DNAJC13: variants seen among roughly 807,000 people sequenced by gnomAD.
DNAJC13 encodes the protein dnaJ homolog subfamily C member 13.
DNAJC13 carries 75 observed loss-of-function variants against 290.5 expected under a neutral mutation model. The observed-to-expected ratio is 0.26, with a 90% CI of 0.21 to 0.31. The LOEUF is 0.31. Ranked by LOEUF, DNAJC13 falls within the 10% of genes least tolerant of loss-of-function variation. DNAJC13 has a pLI of 1.00. For missense variants in DNAJC13, 2,260 were observed against 2,674.5 expected (o/e 0.85, Z 3.42); for synonymous variants, 862 against 892.0 (o/e 0.97, Z 0.60).
In DNAJC13 at chr3:132,461,092, T is replaced by G. The variant is rs767381634; in HGVS notation, c.1600T>G (p.Phe534Val). ...GALVISSLLDFLTFALCAPYS... is the reference protein window; with the variant it reads ...GALVISSLLDVLTFALCAPYS... ...CCTAGTTATTAGTTCGCTCTTGGAC[T>G]TCCTTACCTTTGCCCTCTGTGCTCC... Residue 534 changes from phenylalanine (F) to valine (V), a missense_variant, in exon 15 of 56, where the codon TTC (phenylalanine) becomes GTC (valine). Phe to Val is a conservative substitution (Grantham distance 50). Around this residue, in one of 3 missense-constraint regions of DNAJC13, gnomAD observed 762 missense variants for 964.1 expected, o/e 0.79. Coordinates refer to ENST00000260818, the MANE Select transcript of DNAJC13 (RefSeq NM_015268.4). 1.2e-6 allele frequency: 2 copies of G among 1,614,130 alleles called. No individual in the cohort carries two copies. The highest frequency in any genetic ancestry group is 1.7e-6 in the Non-Finnish European group (2 of 1,179,984).
chr3:132,498,964 C>T (rs1376372599), intron 36 of DNAJC13, among the ~76,000 whole-genome samples, 162 bp from the exon 37 acceptor site: 2 of 152,160 alleles, frequency 1.3e-5, no homozygotes, highest in Non-Finnish European at 2.9e-5. Context: ...GATCCACCCA[C>T]CTTGGCCTCC....
At chr3:132,533,214 C>G (rs1223554019) in intron 55 of DNAJC13, among the ~76,000 whole-genome samples, 1 of 151,338 alleles carries the variant, frequency 6.6e-6, no homozygotes, top group African/African-American at 2.4e-5. Flanking sequence ...TACCACCATG[C>G]CCAGCTAATT....
intron 26 of DNAJC13, among the ~76,000 whole-genome samples, chr3:132,481,026 T>A (rs1487588596): frequency 6.6e-6 from 1 of 152,210 alleles, no homozygotes; most frequent in African/African-American, 2.4e-5. Flanking sequence ...GGTACTGTTC[T>A]GGTACACATA....
intron 51 of DNAJC13, 79 bp downstream of exon 51, chr3:132,523,792 C>T: frequency 7.2e-7 from 1 of 1,397,508 alleles, no homozygotes; most frequent in Non-Finnish European, 9.7e-7. Flanking sequence ...ACCTTATTCA[C>T]AAAGACCATG....
intron 52 of DNAJC13, 138 bp from the exon 53 acceptor site, chr3:132,526,003 G>A: frequency 1.6e-6 from 2 of 1,274,884 alleles, no homozygotes; most frequent in Non-Finnish European, 2.1e-6. Context: ...ATAATTAATA[G>A]ATTAAATTTG....
At chr3:132,504,274 C>A (rs1394597547) in intron 41 of DNAJC13, among the ~76,000 whole-genome samples, 1 of 149,032 alleles carries the variant, frequency 6.7e-6, no homozygotes, top group Non-Finnish European at 1.5e-5. Flanking sequence ...CTTTTCAGTT[C>A]CCATGTGTGA....
chr3:132,424,100 G>A (rs988629516), intron 1 of DNAJC13, among the ~76,000 whole-genome samples: 1 of 152,134 alleles, frequency 6.6e-6, no homozygotes, highest in Non-Finnish European at 1.5e-5. Flanking sequence ...TTACAATAAT[G>A]TGTATAAACT....
intron 1 of DNAJC13, among the ~76,000 whole-genome samples, chr3:132,421,286 T>A (rs1314971851): frequency 6.6e-6 from 1 of 152,240 alleles, no homozygotes; most frequent in Non-Finnish European, 1.5e-5. Flanking sequence ...ACATTTTCAT[T>A]ATGCTCAAAT....
chr3:132,532,518 G>GA (rs1056947348), intron 55 of DNAJC13, among the ~76,000 whole-genome samples: 1 of 152,010 alleles, frequency 6.6e-6, no homozygotes, highest in Non-Finnish European at 1.5e-5. Flanking sequence ...TATCTATGGA[G>GA]AAAAATACCT....
intron 2 of DNAJC13, among the ~76,000 whole-genome samples, chr3:132,441,603 A>G (rs1019178066): frequency 5.9e-5 from 9 of 152,220 alleles, no homozygotes; most frequent in African/African-American, 2.2e-4. Context: ...GAGAACCATT[A>G]TTTTATAGTA....
In DNAJC13 at chr3:132,492,450, G is replaced by A. The variant is rs767198067; in HGVS notation, c.3660G>A (p.Ala1220=). 25 of 1,613,550 alleles carry A rather than the reference G, an allele frequency of 1.5e-5. No individual in the cohort carries two copies. Among genetic ancestry groups the A allele is most frequent in the African/African-American group, 9.4e-5 (7 of 74,796 alleles). ...TAGAGAAGATTGCTGCCCATCTCGC[G>A]GATTTCACACCTCGTCTTCAGAGTA... ...LMIEKIAAHL[A]DFTPRLQSNT... The change falls in exon 33 of 56, where the codon GCG becomes GCA. Residue 1220 remains alanine (A), a synonymous_variant. Coordinates refer to ENST00000260818, the MANE Select transcript of DNAJC13 (RefSeq NM_015268.4).
At chr3:132,461,266 C>A in intron 15 of DNAJC13, 61 bp downstream of exon 15, 1 of 1,562,782 alleles carries the variant, frequency 6.4e-7, no homozygotes, top group South Asian at 1.1e-5. Flanking sequence ...CTTTTAGGAT[C>A]ACTGTTTCTA....
At chr3:132,428,603 C>T (rs1939165788) in intron 1 of DNAJC13, among the ~76,000 whole-genome samples, 1 of 152,008 alleles carries the variant, frequency 6.6e-6, no homozygotes, top group South Asian at 2.1e-4. Flanking sequence ...AGACATGGTG[C>T]CTAGCCAATC....
chr3:132,447,214 TA>T, intron 3 of DNAJC13, 106 bp from the exon 4 acceptor site: 1 of 988,658 alleles, frequency 1.0e-6, no homozygotes, highest in Non-Finnish European at 1.4e-6. Flanking sequence ...CTCTATTTTA[TA>T]AAATTTTGCT....
rs1935910830 is a variant in DNAJC13 at position 132,516,047 on chromosome 3, C to T, written c.5486-375C>T. Among the ~76,000 whole-genome samples, 4 of 152,334 alleles carry T rather than the reference C, an allele frequency of 2.6e-5. No individual in the cohort carries two copies. In the South Asian group the frequency reaches 8.3e-4, roughly 32 times the overall value. On this transcript the variant is annotated intron_variant, in intron 46 of 55. Transcript: ENST00000260818. ...CCTACTTTTTCCCTCAAGACAGTAG[C>T]ACCAGGTAAAAATCTTAGATGCCTG...
intron 17 of DNAJC13, among the ~76,000 whole-genome samples, chr3:132,464,285 G>A (rs1368856204): frequency 6.6e-6 from 1 of 152,086 alleles, no homozygotes; most frequent in African/African-American, 2.4e-5. Context: ...TAAATCTCTT[G>A]TAATTAAATG....
At position 132,460,451 on chromosome 3, in the gene DNAJC13, A is replaced by G. The variant is rs564571091; in HGVS notation, c.1557+94A>G. On this transcript the variant is annotated intron_variant, in intron 14 of 55. Transcript: ENST00000260818. ...CACGTGGATGATTTTTTTTTTTTTT[A>G]TTGTAGCCCCCAGCTTTGGTCAGTA... is the stretch of plus-strand genomic sequence containing the variant. The G allele has an allele frequency of 6.7e-5, 49 of 728,878 alleles. No individual in the cohort carries two copies. In the Middle Eastern group the frequency reaches 1.2e-3, roughly 18 times the overall value. The allele number at this position is 728,878 out of a possible 1,614,324, so 45.2% of individuals were successfully genotyped here.
At chr3:132,470,560 C>A (rs1315325825) in intron 20 of DNAJC13, among the ~76,000 whole-genome samples, 3 of 136,484 alleles carry the variant, frequency 2.2e-5, no homozygotes, top group Non-Finnish European at 4.8e-5. Flanking sequence ...CCAGTAGGGG[C>A]GGCCGGGCAG....
chr3:132,523,097 A>C (rs1280586046), intron 49 of DNAJC13, 60 bp from the exon 50 acceptor site: 8 of 1,609,852 alleles, frequency 5.0e-6, no homozygotes, highest in Non-Finnish European at 5.9e-6. Flanking sequence ...ACTTATGCTA[A>C]AGGTTAATGA....
Sources: allele counts gnomAD v4.1 joint callset (sites outside exome capture counted in the v4.1 genomes callset), GRCh38; gene constraint gnomAD v4.1.1; regional missense constraint gnomAD v4.1.1; transcripts MANE v1.5; gene names NCBI Gene and HGNC (gene_info 2026-07-23, HGNC 2026-07-21).